The following STAB1 variants were observed in gnomAD, a reference collection of about 807,000 sequenced individuals.
The protein encoded by STAB1 is stabilin 1, also known as stabilin-1.
STAB1 carries 250 observed loss-of-function variants against 332.4 expected under a neutral mutation model. The ratio of observed to expected loss-of-function variants is 0.75; its 90% CI spans 0.68 to 0.84. The LOEUF (loss-of-function observed/expected upper bound fraction) is 0.84, where lower values mean the gene tolerates loss of function less well. STAB1 is among the 40% of genes least tolerant of loss of function. STAB1 has a pLI of 0.00. For synonymous variants in STAB1, 1,475 were observed against 1,390.4 expected (o/e 1.06, Z -1.35); for missense variants, 3,249 against 3,489.7 (o/e 0.93, Z 1.74).
At chr3:52,522,975 T>C in intron 62 of STAB1, 35 bp downstream of exon 62, 2 of 1,602,430 alleles carry the variant, frequency 1.2e-6, no homozygotes, top group Non-Finnish European at 1.7e-6. Context: ...CTTCCCCTGC[T>C]CTGCCCCTTC....
chr3:52,523,262 A>C lies in STAB1; in HGVS notation c.7061A>C (p.Asp2354Ala). Residue 2354 changes from aspartate (D) to alanine (A), a missense_variant, in exon 64 of 69, where the codon GAC becomes GCC. Coordinates refer to ENST00000321725, the MANE Select transcript of STAB1 (RefSeq NM_015136.3). ...GCCAATGCCACCCAGCGGGGTCTCGACTTCCTGGACTTCCTGGATGATGAG... is the reference window on the plus strand; with the variant it reads ...GCCAATGCCACCCAGCGGGGTCTCGCCTTCCTGGACTTCCTGGATGATGAG... The part of the protein sequence containing the change: ...GYANATQRGL[D>A]FLDFLDDELT... 6.2e-7 allele frequency: 1 copy of C among 1,612,900 alleles called. No individual in the cohort carries two copies. Among genetic ancestry groups the C allele is most frequent in the Non-Finnish European group, 8.5e-7 (1 of 1,179,780 alleles).
At chr3:52,496,608 G>C (rs1339748079) in intron 1 of STAB1, among the ~76,000 whole-genome samples, 2 of 152,358 alleles carry the variant, frequency 1.3e-5, no homozygotes, top group Non-Finnish European at 2.9e-5. Flanking sequence ...GATGGGGGAA[G>C]AGCCAAGGGT....
Position 52,502,307 on chromosome 3 carries a change from C to G in STAB1, c.487+79C>G, listed in dbSNP as rs978611760. Reference sequence around the variant, plus strand: ...CAGATGCAGTACCTACAACCAGCTCCCACCTGTCCCTTCAGCCTCTGTCCC... The same window carrying G: ...CAGATGCAGTACCTACAACCAGCTCGCACCTGTCCCTTCAGCCTCTGTCCC... On this transcript the variant is annotated intron_variant, in intron 5 of 68. Transcript: ENST00000321725. The G allele has an allele frequency of 1.4e-5, 20 of 1,462,706 alleles. No homozygotes were observed. The South Asian group carries it at 1.8e-4, about 13-fold the overall frequency. 90.6% of individuals were successfully genotyped at this position (1,462,706 alleles called of 1,614,324 possible).
In STAB1 at chr3:52,520,545, G is replaced by C; in HGVS notation, c.5645G>C (p.Arg1882Pro). The C allele has an allele frequency of 6.2e-7, 1 of 1,611,246 alleles. No individual in the cohort carries two copies. Among genetic ancestry groups the C allele is most frequent in the South Asian group, 1.1e-5 (1 of 91,062 alleles). ...RCDHFETRPL[R>P]LNTCSICGLE... Reference sequence around the variant, plus strand: ...GACCACTTTGAGACCCGGCCCCTGCGACTGGTGAGGGAGGCCAGAGGCAGA... The same window carrying C: ...GACCACTTTGAGACCCGGCCCCTGCCACTGGTGAGGGAGGCCAGAGGCAGA... Residue 1882 changes from arginine to proline, a missense_variant, in exon 53 of 69, where the codon CGA (arginine) becomes CCA (proline). By Grantham distance (103) the Arg-to-Pro change is moderately radical (BLOSUM62 -2). Transcript: ENST00000321725.
chr3:52,523,385 T>C (rs763357247), intron 64 of STAB1, 42 bp from the exon 65 acceptor site: 25 of 1,609,196 alleles, frequency 1.6e-5, no homozygotes, highest in Non-Finnish European at 2.0e-5. Flanking sequence ...GCATTGGCCA[T>C]CTCCATCTGG....
chr3:52,502,537 G>C, intron 5 of STAB1, 95 bp from the exon 6 acceptor site: 2 of 1,148,230 alleles, frequency 1.7e-6, no homozygotes, highest in Non-Finnish European at 2.6e-6. Flanking sequence ...ACCTGCCCGA[G>C]CTGAGTTCTA....
chr3:52,520,918 G>C lies in STAB1; in HGVS notation c.5821G>C (p.Gly1941Arg), dbSNP rs2079051985. ...VHPSLWGRPQGLGRGCHRNCV... is the reference protein window; with the variant it reads ...VHPSLWGRPQRLGRGCHRNCV... The stretch of plus-strand genomic sequence containing the variant: ...CCCCAGCCTTTGGGGTAGGCCCCAA[G>C]GCCTGGGCAGGGGCTGCCACCGCAA... The change falls in exon 55 of 69, where the codon GGC becomes CGC. Residue 1941 changes from glycine to arginine, a missense_variant. Transcript: ENST00000321725. The C allele has an allele frequency of 6.2e-7, 1 of 1,601,814 alleles. No homozygotes were observed. Among genetic ancestry groups the C allele is most frequent in the African/African-American group, 1.3e-5 (1 of 74,698 alleles).
intron 45 of STAB1, 83 bp from the exon 46 acceptor site, chr3:52,518,229 G>C (rs1005488460): frequency 3.5e-5 from 55 of 1,593,852 alleles, no homozygotes; most frequent in Non-Finnish European, 4.4e-5. Flanking sequence ...GCCTTGGCTA[G>C]ACCTTGGGCC....
At position 52,503,420 on chromosome 3, in the gene STAB1, T is replaced by C. The variant is rs1708599505; in HGVS notation, c.771T>C (p.Cys257=). 1.2e-6 allele frequency: 2 copies of C among 1,613,732 alleles called. No homozygotes were observed. The highest frequency in any genetic ancestry group is 4.5e-5 in the East Asian group (2 of 44,878). ...CSVSPKGQAQ[C]HCPENYHGDG... Reference sequence around the variant, plus strand: ...TGAGCCCCAAGGGGCAGGCTCAGTGTCACTGCCCTGAGAACTACCATGGCG... The same window carrying C: ...TGAGCCCCAAGGGGCAGGCTCAGTGCCACTGCCCTGAGAACTACCATGGCG... Residue 257 remains cysteine (C), a synonymous_variant, in exon 8 of 69, where the codon TGT becomes TGC. Coordinates refer to ENST00000321725, the MANE Select transcript of STAB1 (RefSeq NM_015136.3).
Position 52,505,340 on chromosome 3 carries a change from GC to G in STAB1, c.1542del (p.Ser515LeufsTer45), listed in dbSNP as rs1708773877. ...ACAGAGAACTATCGGACAGATCCTC[GC>G]CTCTACCGAGGCCTTCAGCCGCTTT... ...DPKRTIGQIL[A>X]STEAFSRFET... On this transcript the variant is annotated frameshift_variant, in exon 14 of 69. Coordinates refer to ENST00000321725, the MANE Select transcript of STAB1 (RefSeq NM_015136.3). LOFTEE classifies it high-confidence loss of function. 1 of 1,613,462 alleles carries G rather than the reference GC, an allele frequency of 6.2e-7. No individual in the cohort carries two copies. Among genetic ancestry groups the G allele is most frequent in the Non-Finnish European group, 8.5e-7 (1 of 1,179,936 alleles).
In STAB1 at chr3:52,519,949, C is replaced by T. The variant is rs780397408; in HGVS notation, c.5241C>T (p.Ala1747=). Residue 1747 remains alanine (A), a synonymous_variant, in exon 51 of 69, where the codon GCC becomes GCT. Transcript: ENST00000321725. ...YKIFSGLLKV[A]GLLPLLREAS... ...TCTTTGCTGCACCCCACCAGGTGGC[C>T]GGCCTCCTGCCCCTGCTTCGAGAGG... 8.7e-5 allele frequency: 136 copies of T among 1,572,182 alleles called. No individual in the cohort carries two copies. Among genetic ancestry groups the T allele is most frequent in the South Asian group, 1.4e-4 (12 of 87,598 alleles).
chr3:52,504,823 A>T lies in STAB1; in HGVS notation c.1324A>T (p.Arg442Trp). 1 of 1,613,840 alleles carries T rather than the reference A, an allele frequency of 6.2e-7. No homozygotes were observed. The highest frequency in any genetic ancestry group is 2.2e-5 in the East Asian group (1 of 44,884). Residue 442 changes from arginine to tryptophan, a missense_variant, in exon 12 of 69, where the codon AGG becomes TGG. Physicochemically the swap from Arg to Trp is moderately radical, Grantham distance 101. Coordinates refer to ENST00000321725, the MANE Select transcript of STAB1 (RefSeq NM_015136.3). Reference sequence around the variant, plus strand: ...GGACACAAGGACCCAACAAACACGAAGGTGGTGGACGCTGGCCGGGCAGGA... The same window carrying T: ...GGACACAAGGACCCAACAAACACGATGGTGGTGGACGCTGGCCGGGCAGGA... ...LEDTRTQQTR[R>W]WWTLAGQEIT...
At chr3:52,513,417 C>T (rs570617028) in intron 30 of STAB1, among the ~76,000 whole-genome samples, 176 bp downstream of exon 30, 3 of 152,310 alleles carry the variant, frequency 2.0e-5, no homozygotes, top group Admixed American at 6.5e-5. Context: ...GACACTGAGT[C>T]GCTGGGCCAG....
In STAB1 at chr3:52,507,997, T is replaced by G. The variant is rs376440947; in HGVS notation, c.2119T>G (p.Cys707Gly). The G allele has an allele frequency of 6.2e-7, 1 of 1,613,656 alleles. No individual in the cohort carries two copies. Among genetic ancestry groups the G allele is most frequent in the Non-Finnish European group, 8.5e-7 (1 of 1,179,980 alleles). ...PTGLNVLKKG[C>G]ASYCNQTIME... ...GGGGCTCAATGTGCTAAAGAAGGGC[T>G]GTGCCAGCTACTGCAACCAAACCAT... The change falls in exon 20 of 69, where the codon TGT becomes GGT. Residue 707 changes from cysteine to glycine, a missense_variant. Coordinates refer to ENST00000321725, the MANE Select transcript of STAB1 (RefSeq NM_015136.3).
chr3:52,495,621 T>C (rs904281220), intron 1 of STAB1, 130 bp downstream of exon 1: 6 of 841,274 alleles, frequency 7.1e-6, no homozygotes, highest in Non-Finnish European at 4.8e-6. Flanking sequence ...TCTGGCCTCT[T>C]AGCAGGCCTG....
chr3:52,520,285 C>T lies in STAB1; in HGVS notation c.5494C>T (p.Arg1832Trp), dbSNP rs368512919. 8.9e-5 allele frequency: 143 copies of T among 1,613,112 alleles called. No homozygotes were observed. The highest frequency in any genetic ancestry group is 9.8e-5 in the Non-Finnish European group (116 of 1,180,026). Residue 1832 changes from arginine (R) to tryptophan (W), a missense_variant, in exon 52 of 69, where the codon CGG becomes TGG. Arg to Trp is a moderately radical substitution (Grantham distance 101). Transcript: ENST00000321725. ...TPISFSCSRT[R>W]AGELMVGEDD... The stretch of plus-strand genomic sequence containing the variant: ...CATCTCTTTCTCCTGCAGCCGAACG[C>T]GGGCCGTGAGTCTGGGGAGAGGGCT...
intron 1 of STAB1, among the ~76,000 whole-genome samples, chr3:52,496,332 T>C (rs1012489722): frequency 2.0e-5 from 3 of 152,154 alleles, no homozygotes; most frequent in Admixed American, 1.3e-4. Flanking sequence ...GTAGTCTCTC[T>C]CCTGTGAGGC....
rs1207925059 is a variant in STAB1, at chr3:52,520,218, C to T, written c.5427C>T (p.Asp1809=). The change falls in exon 52 of 69, where the codon GAC becomes GAT. Residue 1809 remains aspartate, a synonymous_variant. Coordinates refer to ENST00000321725, the MANE Select transcript of STAB1 (RefSeq NM_015136.3). ...CACTTGCTCAGGCCTTGGCATCTGACCTGCCCAACCTGGGCCCACTTCGAA... is the reference window on the plus strand; with the variant it reads ...CACTTGCTCAGGCCTTGGCATCTGATCTGCCCAACCTGGGCCCACTTCGAA... ...MIRNVEALAS[D]LPNLGPLRTM... 1 of 1,613,172 alleles carries T rather than the reference C, an allele frequency of 6.2e-7. No homozygotes were observed. The highest frequency in any genetic ancestry group is 2.2e-5 in the East Asian group (1 of 44,892).
chr3:52,518,515 T>G (rs751868564), intron 46 of STAB1, 21 bp from the exon 47 acceptor site: 2 of 1,572,550 alleles, frequency 1.3e-6, no homozygotes, highest in Non-Finnish European at 1.7e-6. Context: ...ATTCCACTCA[T>G]GCTGTTGCTG....
Sources: allele counts gnomAD v4.1 joint callset (sites outside exome capture counted in the v4.1 genomes callset), GRCh38; gene constraint gnomAD v4.1.1; transcripts MANE v1.5; gene names NCBI Gene and HGNC (gene_info 2026-07-23, HGNC 2026-07-21).